The following SPATA9 variants were observed in gnomAD, a reference collection of about 807,000 sequenced individuals.
SPATA9 encodes the protein spermatogenesis associated 9.
A neutral mutation model predicts 25.5 loss-of-function variants in SPATA9; 27 were observed. The ratio of observed to expected loss-of-function variants is 1.06; its 90% CI spans 0.78 to 1.46. The LOEUF (loss-of-function observed/expected upper bound fraction) is 1.46. Among genes scored for constraint, SPATA9 ranks in the 40% most tolerant of loss-of-function variants. The probability of loss-of-function intolerance (pLI) is 0.00; values close to 1 mark genes in which losing one functional copy is unlikely to be tolerated. For missense variants in SPATA9, 282 were observed against 297.5 expected (o/e 0.95, Z 0.38); for synonymous variants, 102 against 105.7 (o/e 0.97, Z 0.21).
At chr5:95,728,166 T>C in the SPATA9 span, among the ~76,000 whole-genome samples, 2 of 152,246 alleles carry the variant, frequency 1.3e-5, no homozygotes, top group African/African-American at 4.8e-5. Flanking sequence ...TTGGTGAGTA[T>C]GTAGCCAGGC....
downstream of SPATA9, chr5:95,654,301 G>T (rs369809963): frequency 2.7e-3 from 4,299 of 1,609,078 alleles, 9 homozygotes; most frequent in Non-Finnish European, 3.5e-3. Context: ...CAGTTTTTTA[G>T]TGACTGCAGG....
chr5:95,694,099 G>T (rs1753953281), intron 1 of SPATA9, among the ~76,000 whole-genome samples: 1 of 152,124 alleles, frequency 6.6e-6, no homozygotes, highest in Non-Finnish European at 1.5e-5. Flanking sequence ...GGTCAAGGCT[G>T]CAGTGACCCA....
chr5:95,722,085 T>C, the SPATA9 span, among the ~76,000 whole-genome samples: 2 of 152,148 alleles, frequency 1.3e-5, no homozygotes, highest in African/African-American at 4.8e-5. Context: ...GGGGAAATGA[T>C]CTGTGATAGC....
At chr5:95,703,045 A>G (rs1754214465), upstream of SPATA9, among the ~76,000 whole-genome samples, 1 of 152,234 alleles carries the variant, frequency 6.6e-6, no homozygotes, top group Non-Finnish European at 1.5e-5. Context: ...GTCTAACTAT[A>G]TGTTTGAGTA....
intron 2 of SPATA9, among the ~76,000 whole-genome samples, chr5:95,678,118 T>G (rs972623427): frequency 1.3e-5 from 2 of 152,226 alleles, no homozygotes; most frequent in African/African-American, 4.8e-5. Context: ...GGCTCACACC[T>G]GTAATCCCAG....
downstream of SPATA9, chr5:95,654,483 G>T (rs1398420036): frequency 1.4e-6 from 1 of 708,848 alleles, no homozygotes; most frequent in Non-Finnish European, 2.3e-6. Flanking sequence ...AGTATTCTGG[G>T]AATTCATAAG....
At chr5:95,668,192 C>T (rs569368124) in intron 3 of SPATA9, among the ~76,000 whole-genome samples, 1 of 152,256 alleles carries the variant, frequency 6.6e-6, no homozygotes, top group South Asian at 2.1e-4. Flanking sequence ...ATCTTTCTTT[C>T]TCAGGTTTTG....
chr5:95,707,921 G>A, the SPATA9 span, among the ~76,000 whole-genome samples: 2 of 152,166 alleles, frequency 1.3e-5, no homozygotes, highest in Non-Finnish European at 2.9e-5. Context: ...TCAAATCGTT[G>A]ATTCCTCAGT....
chr5:95,711,913 A>G, the SPATA9 span, among the ~76,000 whole-genome samples: 3 of 152,238 alleles, frequency 2.0e-5, no homozygotes, highest in Non-Finnish European at 4.4e-5. Flanking sequence ...GTAGGATTCA[A>G]TGACCCTTCA....
the SPATA9 span, among the ~76,000 whole-genome samples, chr5:95,711,563 C>CCGCAGT: frequency 6.6e-6 from 1 of 152,184 alleles, no homozygotes; most frequent in Non-Finnish European, 1.5e-5. Context: ...CCCGCCGCGG[C>CCGCAGT]CGCAGTCGAG....
the SPATA9 span, among the ~76,000 whole-genome samples, chr5:95,704,130 T>A: frequency 3.7e-4 from 57 of 152,278 alleles, 1 homozygote; most frequent in African/African-American, 1.1e-3. Flanking sequence ...CTGGCAGAGA[T>A]CTGATGGTTT....
intron 1 of SPATA9, among the ~76,000 whole-genome samples, chr5:95,695,317 G>A (rs1753987587): frequency 6.6e-6 from 1 of 152,176 alleles, no homozygotes; most frequent in Admixed American, 6.5e-5. Flanking sequence ...AACACGTTTG[G>A]CCAGGCTCAG....
At chr5:95,693,484 C>A (rs1177653731) in intron 1 of SPATA9, among the ~76,000 whole-genome samples, 4 of 152,078 alleles carry the variant, frequency 2.6e-5, no homozygotes, top group African/African-American at 9.7e-5. Context: ...AGAAAAAAGG[C>A]ACAAGATTTT....
the SPATA9 span, chr5:95,731,320 G>GAGC: frequency 2.8e-6 from 3 of 1,076,770 alleles, no homozygotes; most frequent in South Asian, 8.8e-5. Context: ...AGAGGAGGAG[G>GAGC]AGCAGCGGCA....
the SPATA9 span, among the ~76,000 whole-genome samples, chr5:95,725,391 A>C: frequency 1.3e-5 from 2 of 152,268 alleles, no homozygotes; most frequent in Non-Finnish European, 2.9e-5. Flanking sequence ...GTAAAAATCT[A>C]ATGAAAAATG....
chr5:95,671,906 G>A (rs1216687420), intron 3 of SPATA9, among the ~76,000 whole-genome samples: 1 of 121,198 alleles, frequency 8.3e-6, no homozygotes, highest in Non-Finnish European at 1.7e-5. Flanking sequence ...AAAACTTAAA[G>A]TATAATTAAA....
chr5:95,710,980 G>A, the SPATA9 span, among the ~76,000 whole-genome samples: 2 of 152,036 alleles, frequency 1.3e-5, no homozygotes, highest in African/African-American at 2.4e-5. Context: ...TTAAGAGCAC[G>A]GCTATTTTCG....
At chr5:95,725,236 C>T in the SPATA9 span, among the ~76,000 whole-genome samples, 48 of 152,238 alleles carry the variant, frequency 3.2e-4, no homozygotes, top group Middle Eastern at 3.4e-3. Context: ...GAAAAACAAA[C>T]CACAGCTACA....
chr5:95,681,982 T>A (rs1753502466), intron 2 of SPATA9, among the ~76,000 whole-genome samples: 1 of 152,200 alleles, frequency 6.6e-6, no homozygotes, highest in Non-Finnish European at 1.5e-5. Context: ...TGTTACTTTT[T>A]CCTGACTTTA....
Sources: gnomAD v4.1 joint callset for allele counts (sites outside exome capture counted in the v4.1 genomes callset) on GRCh38, gnomAD v4.1.1 for gene constraint, MANE v1.5 for transcripts, NCBI Gene and HGNC (gene_info 2026-07-23, HGNC 2026-07-21) for gene names.